Variants in CCDC171 observed in about 807,000 individuals in gnomAD.
The protein encoded by CCDC171 is coiled-coil domain containing 171.
In CCDC171, 177 loss-of-function variants were observed where a neutral mutation model predicts 168.2. That is an observed-to-expected ratio of 1.05 (90% CI 0.93 to 1.19). CCDC171 has a LOEUF of 1.19. Ranked by LOEUF, CCDC171 falls within the 50% of genes most tolerant of loss-of-function variation. The pLI is 0.00. For synonymous variants in CCDC171, 687 were observed against 540.8 expected, an observed-to-expected ratio of 1.27 and a Z score of -3.75; for missense variants, 1,991 against 1,539.0, an observed-to-expected ratio of 1.29 and a Z score of -4.91.
At chr9:15,893,505 G>A (rs530320811) in intron 24 of CCDC171, among the ~76,000 whole-genome samples, 1 of 152,066 alleles carries the variant, frequency 6.6e-6, no homozygotes, top group Non-Finnish European at 1.5e-5. Context: ...ACAACCTACA[G>A]AATGAGAGAA....
chr9:15,786,073 G>A (rs1246800507), intron 21 of CCDC171, among the ~76,000 whole-genome samples: 1 of 151,922 alleles, frequency 6.6e-6, no homozygotes, highest in East Asian at 1.9e-4. Context: ...CGACCAGGAT[G>A]GTATTAGTAT....
chr9:16,021,274 G>C (rs1001025012), intron 4 of CCDC171, among the ~76,000 whole-genome samples: 1 of 152,148 alleles, frequency 6.6e-6, no homozygotes, highest in Admixed American at 6.6e-5. Context: ...TTTTAGTAGA[G>C]ACAGGGTTTC....
chr9:15,870,499 CCCTAATATCAGTT>C (rs1222673716), intron 23 of CCDC171, among the ~76,000 whole-genome samples: 3 of 151,790 alleles, frequency 2.0e-5, no homozygotes, highest in Non-Finnish European at 4.4e-5. Flanking sequence ...TGACATGAAG[CCCTAATATCAGTT>C]GCCTTTCCCA....
At chr9:15,897,470 G>C (rs187687362) in intron 24 of CCDC171, among the ~76,000 whole-genome samples, 1 of 151,994 alleles carries the variant, frequency 6.6e-6, no homozygotes, top group East Asian at 1.9e-4. Flanking sequence ...TCATTATTTT[G>C]TTACAAATGT....
chr9:15,956,499 G>T (rs540437576), intron 25 of CCDC171, among the ~76,000 whole-genome samples: 1 of 152,224 alleles, frequency 6.6e-6, no homozygotes, highest in Non-Finnish European at 1.5e-5. Context: ...GGTTTCCGAA[G>T]GCAGCGTAGT....
intron 18 of CCDC171, among the ~76,000 whole-genome samples, chr9:15,747,695 A>T (rs2055399151): frequency 6.6e-6 from 1 of 152,244 alleles, no homozygotes; most frequent in Admixed American, 6.5e-5. Context: ...AGAAAGGAAT[A>T]GCATCAACAT....
chr9:15,653,870 G>T (rs7036875), intron 7 of CCDC171, among the ~76,000 whole-genome samples: 68,977 of 151,924 alleles, frequency 0.45, 15,949 homozygotes, highest in Non-Finnish European at 0.51. Flanking sequence ...TCTCACCTCA[G>T]CTTCCCAAAG....
At chr9:15,563,253 C>G (rs1488269859) in intron 1 of CCDC171, among the ~76,000 whole-genome samples, 2 of 151,908 alleles carry the variant, frequency 1.3e-5, no homozygotes, top group African/African-American at 4.8e-5. Context: ...ATTCTTCCAC[C>G]TCAGCCTCCT....
intron 21 of CCDC171, among the ~76,000 whole-genome samples, chr9:15,790,771 G>C (rs2058215673): frequency 6.6e-6 from 1 of 152,176 alleles, no homozygotes; most frequent in South Asian, 2.1e-4. Context: ...ATTAATTTTT[G>C]TATAAGGTGT....
intron 6 of CCDC171, among the ~76,000 whole-genome samples, chr9:15,619,158 T>C (rs1056018819): frequency 6.6e-6 from 1 of 152,152 alleles, no homozygotes; most frequent in Admixed American, 6.5e-5. Context: ...AATGTTGAAA[T>C]GAGGCCAGTT....
rs1030860222 is a variant in CCDC171 at position 15,585,190 on chromosome 9, C to A, written c.352+6167C>A. Among the ~76,000 whole-genome samples the A allele has an allele frequency of 1.6e-4, 25 of 151,588 alleles. 1 individual carries two copies. Among genetic ancestry groups the A allele is most frequent in the Admixed American group, 1.4e-3 (22 of 15,190 alleles). On this transcript the variant is annotated intron_variant, in intron 4 of 25. Coordinates refer to ENST00000380701, the MANE Select transcript of CCDC171 (RefSeq NM_173550.4). ...ACTTTAGAAAAAAACCTGGCCGTTT[C>A]TTTTAAAATAAACATGGATTTATCT...
chr9:15,689,434 A>C (rs1406968689), intron 10 of CCDC171, among the ~76,000 whole-genome samples: 1 of 152,134 alleles, frequency 6.6e-6, no homozygotes. Flanking sequence ...AAGGAGGCCC[A>C]GCACAGTGGC....
chr9:16,042,791 C>T (rs988059287), upstream of CCDC171: 7 of 151,986 alleles, frequency 4.6e-5, no homozygotes, highest in African/African-American at 1.7e-4. Context: ...GTTTTCATTT[C>T]TAATAGTTCA....
In CCDC171 at chr9:15,758,477, G is replaced by C. The variant is rs1439760377; in HGVS notation, c.2671+12846G>C. 2.0e-5 allele frequency among the ~76,000 whole-genome samples: 3 copies of C among 152,170 alleles called. No individual in the cohort carries two copies. The East Asian group carries it at 5.8e-4, about 29-fold the overall frequency. On this transcript the variant is annotated intron_variant, in intron 18 of 25. Coordinates refer to ENST00000380701, the MANE Select transcript of CCDC171 (RefSeq NM_173550.4). ...TTGCTTTTGATTTTACAGGCTCATA[G>C]GTGGAAGGGACTTGCCTTGTCTCAG...
At chr9:15,617,864 C>T (rs1299993418) in intron 6 of CCDC171, among the ~76,000 whole-genome samples, 1 of 152,172 alleles carries the variant, frequency 6.6e-6, no homozygotes, top group Non-Finnish European at 1.5e-5. Flanking sequence ...TTGCTGCCTG[C>T]TCCTTCCTCC....
intron 6 of CCDC171, among the ~76,000 whole-genome samples, chr9:15,609,020 T>C (rs1165473968): frequency 2.0e-5 from 3 of 149,600 alleles, no homozygotes; most frequent in Admixed American, 6.7e-5. Context: ...CCCTTGGTTA[T>C]GTATATTCCT....
intron 4 of CCDC171, chr9:15,587,663 A>G (rs1418498719): frequency 4.4e-6 from 2 of 456,596 alleles, no homozygotes; most frequent in African/African-American, 4.0e-5. Flanking sequence ...TAAAGTTGTT[A>G]ACGTCCACCT....
At chr9:16,047,403 A>C (rs1292279864) in intron 1 of CCDC171, among the ~76,000 whole-genome samples, 1 of 152,052 alleles carries the variant, frequency 6.6e-6, no homozygotes, top group African/African-American at 2.4e-5. Flanking sequence ...TACCTCCAGC[A>C]TCTCCTAGGT....
chr9:16,027,219 A>G (rs971389231), intron 6 of CCDC171, among the ~76,000 whole-genome samples: 1 of 152,220 alleles, frequency 6.6e-6, no homozygotes, highest in Admixed American at 6.5e-5. Flanking sequence ...ATAATGACCC[A>G]GAGGAAATTT....
Sources: allele counts gnomAD v4.1 joint callset (sites outside exome capture counted in the v4.1 genomes callset), GRCh38; gene constraint gnomAD v4.1.1; transcripts MANE v1.5; gene names NCBI Gene and HGNC (gene_info 2026-07-23, HGNC 2026-07-21).